UBE2F: variants seen among roughly 807,000 people sequenced by gnomAD.
UBE2F encodes the protein ubiquitin conjugating enzyme E2 F (putative), also known as NEDD8-conjugating enzyme UBE2F.
A neutral mutation model predicts 29.6 loss-of-function variants in UBE2F; 5 were observed. The ratio of observed to expected loss-of-function variants is 0.17; its 90% confidence interval spans 0.09 to 0.36. The LOEUF (loss-of-function observed/expected upper bound fraction) is 0.36. Ranked by LOEUF, UBE2F falls within the 10% of genes least tolerant of loss-of-function variation. The probability of loss-of-function intolerance (pLI) is 1.00; values close to 1 mark genes in which losing one functional copy is unlikely to be tolerated. For synonymous variants in UBE2F, 66 were observed against 81.8 expected (o/e 0.81, Z 1.04); for missense variants, 141 against 228.5 (o/e 0.62, Z 2.47).
chr2:238,011,626 G>A (rs1270080015), intron 4 of UBE2F, among the ~76,000 whole-genome samples: 1 of 152,222 alleles, frequency 6.6e-6, no homozygotes, highest in African/African-American at 2.4e-5. Context: ...CACTTGCAGT[G>A]TATCTCTGAA....
intron 6 of UBE2F, among the ~76,000 whole-genome samples, chr2:238,030,125 C>T (rs1194607596): frequency 6.6e-6 from 1 of 151,988 alleles, no homozygotes; most frequent in Non-Finnish European, 1.5e-5. Flanking sequence ...GACAGGGTAT[C>T]ACTGTGTTGC....
chr2:238,037,358 T>C (rs1163206636), intron 9 of UBE2F, among the ~76,000 whole-genome samples: 2 of 152,208 alleles, frequency 1.3e-5, no homozygotes, highest in African/African-American at 2.4e-5. Flanking sequence ...AAAGAAAGCA[T>C]ACAAGCCTTG....
intron 1 of UBE2F, among the ~76,000 whole-genome samples, chr2:237,968,392 TTCCTGGGCAC>T (rs1009141720): frequency 6.6e-6 from 1 of 151,836 alleles, no homozygotes; most frequent in African/African-American, 2.4e-5. Flanking sequence ...GAGCAGGAGG[TTCCTGGGCAC>T]TGGCATTCTG....
chr2:238,041,420 G>A lies in UBE2F; in HGVS notation c.*82G>A, dbSNP rs1052341351. ...ACAGCAAGAGGTAGCCCCCTCTCCC[G>A]TCCTCATGCTCCCTCTCAGTCCCCT... is the stretch of plus-strand genomic sequence containing the variant. On this transcript the variant is annotated 3_prime_UTR_variant, in exon 10 of 10. Coordinates refer to ENST00000272930, the MANE Select transcript of UBE2F (RefSeq NM_080678.3). 48 of 1,444,742 alleles carry A rather than the reference G, an allele frequency of 3.3e-5. No individual in the cohort carries two copies. The highest frequency in any genetic ancestry group is 1.0e-4 in the Admixed American group (6 of 58,650). 89.5% of individuals were successfully genotyped at this position (1,444,742 alleles called of 1,614,324 possible).
intron 1 of UBE2F, among the ~76,000 whole-genome samples, chr2:237,968,324 T>A (rs2063103276): frequency 6.6e-6 from 1 of 152,162 alleles, no homozygotes; most frequent in Admixed American, 6.5e-5. Flanking sequence ...GGTTTACTGC[T>A]GAACGTAAAA....
chr2:238,013,137 G>A (rs1435550299), intron 4 of UBE2F, among the ~76,000 whole-genome samples: 1 of 152,128 alleles, frequency 6.6e-6, no homozygotes, highest in Non-Finnish European at 1.5e-5. Context: ...GGGCGTGGTG[G>A]CACACACCTG....
intron 2 of UBE2F, among the ~76,000 whole-genome samples, chr2:237,984,763 G>T (rs2063444956): frequency 6.6e-6 from 1 of 152,114 alleles, no homozygotes; most frequent in African/African-American, 2.4e-5. Flanking sequence ...TTTAAGGTGT[G>T]CAACAAGAAG....
At chr2:237,974,348 A>C (rs934254220) in intron 2 of UBE2F, among the ~76,000 whole-genome samples, 13 of 151,710 alleles carry the variant, frequency 8.6e-5, no homozygotes, top group Admixed American at 6.6e-5. Context: ...GCGCTACTAC[A>C]CCTGGCTAAT....
intron 4 of UBE2F, among the ~76,000 whole-genome samples, chr2:237,999,392 G>A (rs894680300): frequency 6.6e-6 from 1 of 152,206 alleles, no homozygotes. Context: ...TTTATGATGT[G>A]CAGTTTATCA....
chr2:238,039,263 A>G (rs1052483375), intron 9 of UBE2F, among the ~76,000 whole-genome samples: 6 of 152,184 alleles, frequency 3.9e-5, no homozygotes. Flanking sequence ...GAAAATTAAA[A>G]TTTAAAAAAA....
In UBE2F at chr2:237,999,091, T is replaced by TA. The variant is rs1328735013; in HGVS notation, c.214+4282_214+4283insA. ...AATTTCTTTTATTTATTTATTTATTTTTTTTTTTTGAGACAGAGTCTCGCT... is the reference window on the plus strand; with the variant it reads ...AATTTCTTTTATTTATTTATTTATTTATTTTTTTTTGAGACAGAGTCTCGCT... On this transcript the variant is annotated intron_variant, in intron 4 of 9. Transcript: ENST00000272930. 2.4e-3 allele frequency among the ~76,000 whole-genome samples: 367 copies of TA among 151,742 alleles called. 6 individuals carry two copies. Among genetic ancestry groups the TA allele is most frequent in the African/African-American group, 6.2e-3 (256 of 41,412 alleles).
chr2:238,030,237 A>G (rs957487615), intron 6 of UBE2F, among the ~76,000 whole-genome samples: 9 of 152,052 alleles, frequency 5.9e-5, no homozygotes, highest in Non-Finnish European at 1.3e-4. Flanking sequence ...CCCAGCCACC[A>G]TTGTCATTTT....
chr2:238,027,975 G>A (rs923035924), intron 6 of UBE2F, among the ~76,000 whole-genome samples: 2 of 152,232 alleles, frequency 1.3e-5, no homozygotes, highest in East Asian at 1.9e-4. Context: ...GGATTGGAGG[G>A]CCTAGGTCAA....
At chr2:238,037,538 C>T (rs1018633407) in intron 9 of UBE2F, among the ~76,000 whole-genome samples, 2 of 152,196 alleles carry the variant, frequency 1.3e-5, no homozygotes, top group Non-Finnish European at 2.9e-5. Context: ...CCTCGCACTC[C>T]GTTTTCTGAA....
At chr2:237,992,961 A>C (rs190963817) in intron 3 of UBE2F, among the ~76,000 whole-genome samples, 1 of 152,202 alleles carries the variant, frequency 6.6e-6, no homozygotes, top group East Asian at 1.9e-4. Context: ...ATCATAGTAA[A>C]TTCTGGGTGG....
intron 5 of UBE2F, among the ~76,000 whole-genome samples, chr2:238,017,374 A>G (rs7591925): frequency 0.86 from 130,698 of 152,200 alleles, 56,275 homozygotes; most frequent in East Asian, 0.97. Context: ...ACATGGAAAC[A>G]TGATGAACTG....
intron 3 of UBE2F, among the ~76,000 whole-genome samples, chr2:237,992,832 A>G (rs779195905): frequency 1.4e-4 from 21 of 152,176 alleles, no homozygotes; most frequent in Non-Finnish European, 1.5e-4. Flanking sequence ...CCTGTTTTCG[A>G]TAAAAATTTT....
intron 4 of UBE2F, among the ~76,000 whole-genome samples, chr2:237,997,344 A>G (rs1482452164): frequency 6.6e-6 from 1 of 152,276 alleles, no homozygotes; most frequent in African/African-American, 2.4e-5. Flanking sequence ...TGTGCACAGC[A>G]TGCTTTTTAG....
rs1222197853 is a variant in UBE2F, at chr2:237,985,679, C to T, written c.119-2284C>T. 4.6e-5 allele frequency among the ~76,000 whole-genome samples: 7 copies of T among 152,252 alleles called. No individual in the cohort carries two copies. The South Asian group carries it at 8.3e-4, about 18-fold the overall frequency. On this transcript the variant is annotated intron_variant, in intron 2 of 9. Transcript: ENST00000272930. ...GAGTATGGAAGTGCAGATATCTGTT[C>T]CACATACTGATTTTGTTGTCTTTGG...
Sources: gnomAD v4.1 joint callset for allele counts (sites outside exome capture counted in the v4.1 genomes callset) on GRCh38, gnomAD v4.1.1 for gene constraint, MANE v1.5 for transcripts, NCBI Gene and HGNC (gene_info 2026-07-23, HGNC 2026-07-21) for gene names.